Variants in RCOR1 observed in about 807,000 individuals in gnomAD.
The protein encoded by RCOR1 is REST corepressor.
In RCOR1, 12 loss-of-function variants were observed where a neutral mutation model predicts 64.0. The observed-to-expected ratio is 0.19, with a 90% confidence interval of 0.12 to 0.30. RCOR1 has a LOEUF of 0.30. Among genes scored for constraint, RCOR1 ranks in the 10% least tolerant of loss-of-function variants. RCOR1 has a pLI of 1.00. For synonymous variants in RCOR1, 279 were observed against 227.2 expected, an observed-to-expected ratio of 1.23 and a Z score of -2.05; for missense variants, 502 against 621.2, an observed-to-expected ratio of 0.81 and a Z score of 2.04.
chr14:102,669,940 C>T (rs890686992), intron 2 of RCOR1, among the ~76,000 whole-genome samples: 1 of 152,148 alleles, frequency 6.6e-6, no homozygotes, highest in African/African-American at 2.4e-5. Context: ...CCAGTCCATA[C>T]ATTTAAGAAT....
chr14:102,706,142 A>AAAAAAAAAAAAAAAAAAAAAAAC (rs1281591870), intron 4 of RCOR1, among the ~76,000 whole-genome samples: 1 of 138,534 alleles, frequency 7.2e-6, no homozygotes, highest in African/African-American at 2.7e-5. Context: ...AAAAAAAAAA[A>AAAAAAAAAAAAAAAAAAAAAAAC]CCTAAAAAAA....
chr14:102,595,118 A>G (rs1893215538), intron 2 of RCOR1, among the ~76,000 whole-genome samples: 1 of 152,228 alleles, frequency 6.6e-6, no homozygotes, highest in Admixed American at 6.5e-5. Flanking sequence ...CTTTTCTTTG[A>G]AACAGCAAAT....
At chr14:102,598,538 C>G (rs1893316246) in intron 2 of RCOR1, among the ~76,000 whole-genome samples, 1 of 133,822 alleles carries the variant, frequency 7.5e-6, no homozygotes, top group Non-Finnish European at 1.7e-5. Flanking sequence ...AGCTCCGCAT[C>G]CTGGGTTCAT....
intron 7 of RCOR1, among the ~76,000 whole-genome samples, chr14:102,714,208 G>T (rs1003563017): frequency 4.6e-5 from 7 of 152,262 alleles, no homozygotes; most frequent in Admixed American, 1.3e-4. Context: ...TGTACAAGAA[G>T]GAGTGGAACA....
intron 2 of RCOR1, among the ~76,000 whole-genome samples, chr14:102,671,980 T>G (rs1204103360): frequency 6.6e-6 from 1 of 152,102 alleles, no homozygotes; most frequent in East Asian, 1.9e-4. Flanking sequence ...GCATAGTGTT[T>G]CAAGTTTCAT....
At chr14:102,650,230 T>C (rs1894557867) in intron 2 of RCOR1, among the ~76,000 whole-genome samples, 1 of 146,604 alleles carries the variant, frequency 6.8e-6, no homozygotes, top group Non-Finnish European at 1.5e-5. Context: ...ATAGTGGCCA[T>C]GGGCATGGTG....
intron 3 of RCOR1, among the ~76,000 whole-genome samples, chr14:102,690,596 G>A (rs181590861): frequency 0.01 from 1,540 of 152,018 alleles, 16 homozygotes; most frequent in Admixed American, 0.015. Context: ...CTTAAAAAAA[G>A]GAAAAAAGAA....
Position 102,592,909 on chromosome 14 carries a change from G to A in RCOR1, c.23G>A (p.Gly8Asp). ...CCGATGCCGGCCATGGTGGAGAAGG[G>A]CCCCGAGGTCTCAGGGAAGCGGAGA... Reference protein sequence around the residue: MPAMVEKGPEVSGKRRGR... With the variant: MPAMVEKDPEVSGKRRGR... Residue 8 changes from glycine to aspartate, a missense_variant, in exon 1 of 12, where the codon GGC becomes GAC. Coordinates refer to ENST00000262241, the MANE Select transcript of RCOR1 (RefSeq NM_015156.4). The A allele has an allele frequency of 8.0e-7, 1 of 1,243,714 alleles. No homozygotes were observed. The highest frequency in any genetic ancestry group is 1.0e-6 in the Non-Finnish European group (1 of 987,648). The allele number at this position is 1,243,714 out of a possible 1,614,324, so 77.0% of individuals were successfully genotyped here.
intron 3 of RCOR1, among the ~76,000 whole-genome samples, chr14:102,699,703 T>C (rs2139977081): frequency 6.6e-6 from 1 of 152,224 alleles, no homozygotes; most frequent in South Asian, 2.1e-4. Context: ...CAAGAGGGAA[T>C]AGGGGCTAGT....
At chr14:102,651,820 T>C (rs1224359709) in intron 2 of RCOR1, among the ~76,000 whole-genome samples, 1 of 152,124 alleles carries the variant, frequency 6.6e-6, no homozygotes, top group Non-Finnish European at 1.5e-5. Flanking sequence ...CGGGTCCTCC[T>C]GTCTTGACCT....
chr14:102,674,932 C>T (rs1205693387), intron 2 of RCOR1, among the ~76,000 whole-genome samples: 5 of 151,046 alleles, frequency 3.3e-5, no homozygotes, highest in South Asian at 2.1e-4. Context: ...TGGTGGCAGG[C>T]GCCTGTAGTC....
At chr14:102,655,115 T>C (rs992019550) in intron 2 of RCOR1, 20 of 251,104 alleles carry the variant, frequency 8.0e-5, no homozygotes, top group African/African-American at 4.5e-4. Context: ...ACAACCTTTT[T>C]TTTTTTTTTT....
chr14:102,659,434 C>A, intron 2 of RCOR1: 1 of 245,286 alleles, frequency 4.1e-6, no homozygotes, highest in Non-Finnish European at 6.5e-6. Context: ...GAGATTCCTG[C>A]AAAGTGGCAG....
At chr14:102,651,879 ATTAT>A (rs1894598698) in intron 2 of RCOR1, among the ~76,000 whole-genome samples, 1 of 152,092 alleles carries the variant, frequency 6.6e-6, no homozygotes, top group Admixed American at 6.6e-5. Flanking sequence ...TGGCCCCCTA[ATTAT>A]TTAGATAGCC....
chr14:102,730,060 G>A lies in RCOR1; in HGVS notation c.*3554G>A. On this transcript the variant is annotated 3_prime_UTR_variant, in exon 12 of 12. Coordinates refer to ENST00000262241, the MANE Select transcript of RCOR1 (RefSeq NM_015156.4). ...CCTGTAGTAAAGCACAATTGCAGTG[G>A]CGTCGCATTCAGAAGAAGGGAAGGT... 2.5e-6 allele frequency: 1 copy of A among 399,052 alleles called. No individual in the cohort carries two copies. Among genetic ancestry groups the A allele is most frequent in the Non-Finnish European group, 4.4e-6 (1 of 226,068 alleles). 24.7% of individuals were successfully genotyped at this position (399,052 alleles called of 1,614,324 possible).
At chr14:102,657,073 C>G in intron 2 of RCOR1, 1 of 984,122 alleles carries the variant, frequency 1.0e-6, no homozygotes, top group Non-Finnish European at 1.2e-6. Context: ...CTGCACCTGG[C>G]TAGAAACATC....
intron 2 of RCOR1, among the ~76,000 whole-genome samples, chr14:102,607,619 C>T (rs1893539635): frequency 6.6e-6 from 1 of 152,026 alleles, no homozygotes; most frequent in African/African-American, 2.4e-5. Flanking sequence ...CGTGGTTGCT[C>T]ATGCCTGTAA....
intron 2 of RCOR1, among the ~76,000 whole-genome samples, chr14:102,638,431 G>A (rs1894290651): frequency 6.6e-6 from 1 of 152,062 alleles, no homozygotes. Flanking sequence ...AGGCTAGAGT[G>A]CAGTGGTGTG....
intron 6 of RCOR1, among the ~76,000 whole-genome samples, chr14:102,710,111 G>C (rs1895929126): frequency 6.6e-6 from 1 of 152,196 alleles, no homozygotes; most frequent in African/African-American, 2.4e-5. Flanking sequence ...GCTCTTTCTT[G>C]TTGTGGACAC....
Sources: allele counts gnomAD v4.1 joint callset (sites outside exome capture counted in the v4.1 genomes callset), GRCh38; gene constraint gnomAD v4.1.1; transcripts MANE v1.5; gene names NCBI Gene and HGNC (gene_info 2026-07-23, HGNC 2026-07-21).